The following REEP1 variants were observed in gnomAD, a reference collection of about 807,000 sequenced individuals.
REEP1 encodes receptor accessory protein 1.
A neutral mutation model predicts 40.3 loss-of-function variants in REEP1; 22 were observed. That is an observed-to-expected ratio of 0.55 (90% confidence interval 0.39 to 0.78). The LOEUF (loss-of-function observed/expected upper bound fraction) is 0.78, where lower values mean the gene tolerates loss of function less well. REEP1 is among the 30% of genes least tolerant of loss of function. The pLI, the probability that REEP1 is intolerant of heterozygous loss-of-function variation, is 0.00. For synonymous variants in REEP1, 116 were observed against 139.2 expected (o/e 0.83, Z 1.17); for missense variants, 280 against 361.1 (o/e 0.78, Z 1.82).
intron 5 of REEP1, among the ~76,000 whole-genome samples, chr2:86,235,623 C>T (rs1288398431): frequency 6.6e-6 from 1 of 152,200 alleles, no homozygotes; most frequent in Non-Finnish European, 1.5e-5. Flanking sequence ...CGGCCAGGGA[C>T]GAATTCCCTC....
rs1553456158 is a variant in REEP1 at position 86,217,684 on chromosome 2, T to TTTTTTTTTCC, written c.784-575_784-574insGGAAAAAAAA. On this transcript the variant is annotated intron_variant, in intron 8 of 8. Transcript: ENST00000538924. ...ATTTCAGATTTTTTTTTTTTTTTTT[T>TTTTTTTTTCC]CAGATTTTGGGATGTTTGCATATAC... 7.8e-5 allele frequency among the ~76,000 whole-genome samples: 10 copies of TTTTTTTTTCC among 127,864 alleles called. No individual in the cohort carries two copies. The South Asian group carries it at 1.3e-3, about 17-fold the overall frequency. The allele number at this position is 127,864 out of a possible 152,430, so 83.9% of individuals were successfully genotyped here.
At chr2:86,330,238 G>C (rs540343003) in intron 1 of REEP1, among the ~76,000 whole-genome samples, 1 of 152,296 alleles carries the variant, frequency 6.6e-6, no homozygotes, top group African/African-American at 2.4e-5. Flanking sequence ...TGCAAAGCTG[G>C]TTAGGAGTCA....
chr2:86,283,958 G>A (rs1360544983), intron 1 of REEP1, among the ~76,000 whole-genome samples: 1 of 152,256 alleles, frequency 6.6e-6, no homozygotes. Flanking sequence ...CCTGTGTGAA[G>A]AGCAGGATGA....
At chr2:86,310,151 G>A (rs1679692646) in intron 1 of REEP1, among the ~76,000 whole-genome samples, 1 of 152,080 alleles carries the variant, frequency 6.6e-6, no homozygotes, top group African/African-American at 2.4e-5. Context: ...ATTCAGCATC[G>A]CCTCCCCATG....
intron 1 of REEP1, among the ~76,000 whole-genome samples, chr2:86,286,662 CG>C (rs1234405686): frequency 6.6e-6 from 1 of 152,116 alleles, no homozygotes; most frequent in African/African-American, 2.4e-5. Flanking sequence ...CCAATGTCAG[CG>C]AAAACACAGC....
intron 1 of REEP1, among the ~76,000 whole-genome samples, chr2:86,321,833 G>A (rs1457589013): frequency 6.6e-6 from 1 of 152,092 alleles, no homozygotes; most frequent in Non-Finnish European, 1.5e-5. Context: ...ATACTTTATG[G>A]GAAAATGTTG....
intron 1 of REEP1, among the ~76,000 whole-genome samples, chr2:86,287,329 C>T (rs146279849): frequency 0.03 from 4,573 of 152,220 alleles, 114 homozygotes; most frequent in East Asian, 0.07. Context: ...CTCAAGTGAT[C>T]CACCCGCCTC....
chr2:86,242,410 G>A lies in REEP1; in HGVS notation c.417+9547C>T, dbSNP rs995475783. Reference sequence around the variant, plus strand: ...TGAGCACCTATGGAGATGCAGGTAAGACACATATACATGATGACATTAGTG... The same window carrying A: ...TGAGCACCTATGGAGATGCAGGTAAAACACATATACATGATGACATTAGTG... On this transcript the variant is annotated intron_variant, in intron 5 of 8. Transcript: ENST00000538924. 4.6e-5 allele frequency among the ~76,000 whole-genome samples: 7 copies of A among 152,292 alleles called. No homozygotes were observed. In the South Asian group the frequency reaches 1.2e-3, roughly 27 times the overall value.
chr2:86,305,702 C>G (rs1219206308), intron 1 of REEP1, among the ~76,000 whole-genome samples: 1 of 152,136 alleles, frequency 6.6e-6, no homozygotes, highest in Non-Finnish European at 1.5e-5. Flanking sequence ...TCAGATTTGC[C>G]TCTTCCTTCC....
chr2:86,246,157 G>A (rs1025079229), intron 5 of REEP1, among the ~76,000 whole-genome samples: 8 of 152,202 alleles, frequency 5.3e-5, no homozygotes, highest in Non-Finnish European at 1.0e-4. Flanking sequence ...AATCAAAAAG[G>A]TATATACTTC....
At chr2:86,270,410 G>A (rs946263757) in intron 2 of REEP1, among the ~76,000 whole-genome samples, 8 of 152,160 alleles carry the variant, frequency 5.3e-5, no homozygotes, top group African/African-American at 1.7e-4. Context: ...TGGTCAGGCT[G>A]GTCTCAAACT....
chr2:86,215,023 C>CTTTTTTTTTTTTTT lies in REEP1; in HGVS notation c.*2002_*2015dup, dbSNP rs11350708. On this transcript the variant is annotated 3_prime_UTR_variant, in exon 9 of 9. Coordinates refer to ENST00000538924, the MANE Select transcript of REEP1 (RefSeq NM_001371279.1). ...AAAAATTGCTAAGAAGCTGTGTAAG[C>CTTTTTTTTTTTTTT]TTTTTTTTTTTTTTTTTTTTTTTGC... The CTTTTTTTTTTTTTT allele has an allele frequency of 2.9e-4, 17 of 59,560 alleles. No individual in the cohort carries two copies. The highest frequency in any genetic ancestry group is 6.3e-4 in the East Asian group (1 of 1,592). The allele number at this position is 59,560 out of a possible 1,614,324, so 3.7% of individuals were successfully genotyped here. A position where few individuals can be genotyped will look rare whatever the true frequency, so the allele number is the denominator to read the frequency against.
At chr2:86,273,130 G>T (rs1316657208) in intron 2 of REEP1, among the ~76,000 whole-genome samples, 1 of 102,062 alleles carries the variant, frequency 9.8e-6, no homozygotes, top group East Asian at 3.3e-4. Flanking sequence ...AACAGAACAA[G>T]ACCCTGTCTC....
At chr2:86,297,630 A>C (rs1573004562) in intron 1 of REEP1, 1 of 878,330 alleles carries the variant, frequency 1.1e-6, no homozygotes, top group Non-Finnish European at 1.4e-6. Flanking sequence ...TGCAAGAGAG[A>C]TTCTCCCCGG....
At position 86,214,741 on chromosome 2, in the gene REEP1, A is replaced by G. The variant is rs1468832180; in HGVS notation, c.*2298T>C. 6.6e-6 allele frequency: 1 copy of G among 152,666 alleles called. No individual in the cohort carries two copies. Among genetic ancestry groups the G allele is most frequent in the Non-Finnish European group, 1.5e-5 (1 of 68,048 alleles). 9.5% of individuals were successfully genotyped at this position (152,666 alleles called of 1,614,324 possible). On this transcript the variant is annotated 3_prime_UTR_variant, in exon 9 of 9. Coordinates refer to ENST00000538924, the MANE Select transcript of REEP1 (RefSeq NM_001371279.1). ...TAAGAGAGAAACCGACTCCCTAGTC[A>G]ACACTTGAAGGAAAAATAGTTACAT...
chr2:86,273,434 C>A (rs1407506631), intron 2 of REEP1, among the ~76,000 whole-genome samples: 1 of 152,010 alleles, frequency 6.6e-6, no homozygotes, highest in African/African-American at 2.4e-5. Context: ...TAGGTGCATG[C>A]CACCAAGGCT....
intron 1 of REEP1, among the ~76,000 whole-genome samples, chr2:86,327,808 C>T (rs1680586320): frequency 6.6e-6 from 1 of 152,126 alleles, no homozygotes; most frequent in Non-Finnish European, 1.5e-5. Context: ...ATCTCATGAT[C>T]TGCCCGCCTC....
intron 5 of REEP1, among the ~76,000 whole-genome samples, chr2:86,234,244 G>A (rs565802059): frequency 1.8e-4 from 27 of 152,238 alleles, no homozygotes; most frequent in South Asian, 8.3e-4. Flanking sequence ...GAGGGCAGGC[G>A]TGGTGGCTCA....
chr2:86,294,361 G>A (rs780488275), intron 1 of REEP1, among the ~76,000 whole-genome samples: 73 of 152,054 alleles, frequency 4.8e-4, no homozygotes, highest in Non-Finnish European at 8.5e-4. Flanking sequence ...ATATCTGCAT[G>A]AATATTTGTT....
Sources: gnomAD v4.1 joint callset for allele counts (sites outside exome capture counted in the v4.1 genomes callset) on GRCh38, gnomAD v4.1.1 for gene constraint, MANE v1.5 for transcripts, NCBI Gene and HGNC (gene_info 2026-07-23, HGNC 2026-07-21) for gene names.